GRID1: variants seen among roughly 807,000 people sequenced by gnomAD.
The protein encoded by GRID1 is glutamate ionotropic receptor delta type subunit 1, also known as glutamate receptor ionotropic, delta-1.
GRID1 carries 28 observed loss-of-function variants against 98.0 expected under a neutral mutation model. That is an observed-to-expected ratio of 0.29 (90% CI 0.21 to 0.39). The LOEUF (loss-of-function observed/expected upper bound fraction) is 0.39. GRID1 is among the 10% of genes least tolerant of loss of function. The probability of loss-of-function intolerance (pLI) is 1.00; values close to 1 mark genes in which losing one functional copy is unlikely to be tolerated. For missense variants in GRID1, 1,111 were observed against 1,340.5 expected, an observed-to-expected ratio of 0.83 and a Z score of 2.67; for synonymous variants, 553 against 538.5, an observed-to-expected ratio of 1.03 and a Z score of -0.37.
In GRID1 at chr10:85,724,463, A is replaced by G; in HGVS notation, c.1747T>C (p.Leu583=). 6.2e-7 allele frequency: 1 copy of G among 1,614,158 alleles called. No individual in the cohort carries two copies. The highest frequency in any genetic ancestry group is 8.5e-7 in the Non-Finnish European group (1 of 1,180,008). ...IPVVGVLIFV[L]NRIQAVRAQS... ...GCCCTCACAGCCTGTATCCTGTTCA[A>G]CACAAATATCAGCACACCAACCACA... Residue 583 remains leucine, a synonymous_variant, in exon 11 of 16, where the codon TTG becomes CTG. Coordinates refer to ENST00000327946, the MANE Select transcript of GRID1 (RefSeq NM_017551.3).
At chr10:86,006,334 G>A (rs892881153) in intron 4 of GRID1, among the ~76,000 whole-genome samples, 1 of 152,150 alleles carries the variant, frequency 6.6e-6, no homozygotes, top group Non-Finnish European at 1.5e-5. Context: ...GAACTTAAAT[G>A]ACAGGGCTGG....
At chr10:86,104,833 C>G (rs954360007) in intron 4 of GRID1, among the ~76,000 whole-genome samples, 1 of 152,200 alleles carries the variant, frequency 6.6e-6, no homozygotes, top group Non-Finnish European at 1.5e-5. Context: ...AGACAGTGCA[C>G]TGGACCTTCA....
At chr10:86,124,297 G>C (rs1375126004) in intron 4 of GRID1, among the ~76,000 whole-genome samples, 2 of 151,972 alleles carry the variant, frequency 1.3e-5, no homozygotes, top group African/African-American at 2.4e-5. Flanking sequence ...TTTGATCTTG[G>C]ACACCTCCCC....
chr10:85,980,663 T>C (rs1287458513), intron 4 of GRID1, among the ~76,000 whole-genome samples: 1 of 152,046 alleles, frequency 6.6e-6, no homozygotes, highest in African/African-American at 2.4e-5. Context: ...GAAGGGTTGG[T>C]AAGAGAGTAA....
intron 2 of GRID1, among the ~76,000 whole-genome samples, chr10:86,276,606 G>A (rs1179709637): frequency 9.9e-5 from 15 of 151,562 alleles, no homozygotes; most frequent in African/African-American, 1.5e-4. Context: ...GGGTTCAAGC[G>A]ATTCTCATGC....
At chr10:85,980,123 C>T (rs1172561026) in intron 4 of GRID1, among the ~76,000 whole-genome samples, 7 of 152,224 alleles carry the variant, frequency 4.6e-5, no homozygotes, top group Non-Finnish European at 8.8e-5. Flanking sequence ...TTCCTCCTTC[C>T]CCACCTGGGA....
chr10:86,105,059 A>C (rs1844360918), intron 4 of GRID1, among the ~76,000 whole-genome samples: 1 of 152,046 alleles, frequency 6.6e-6, no homozygotes, highest in Non-Finnish European at 1.5e-5. Flanking sequence ...AATTACACAC[A>C]AGTTTGGGAT....
At chr10:85,810,674 G>A (rs1174694419) in intron 8 of GRID1, among the ~76,000 whole-genome samples, 1 of 152,120 alleles carries the variant, frequency 6.6e-6, no homozygotes, top group East Asian at 1.9e-4. Context: ...CGGCCGACAT[G>A]CCCCTAAGCT....
intron 4 of GRID1, among the ~76,000 whole-genome samples, chr10:86,100,075 G>T (rs1311094011): frequency 6.6e-6 from 1 of 152,126 alleles, no homozygotes; most frequent in African/African-American, 2.4e-5. Flanking sequence ...TGAGCTTCAG[G>T]GCAAAGAGAC....
At position 85,724,634 on chromosome 10, in the gene GRID1, T is replaced by A. The variant is rs530775784; in HGVS notation, c.1576A>T (p.Arg526Trp). 1.2e-4 allele frequency: 200 copies of A among 1,612,554 alleles called. No homozygotes were observed. The highest frequency in any genetic ancestry group is 1.6e-4 in the Non-Finnish European group (187 of 1,179,450). The change falls in exon 11 of 16, where the codon AGG (arginine) becomes TGG (tryptophan). Residue 526 changes from arginine to tryptophan, a missense_variant. Physicochemically the swap from Arg to Trp is moderately radical, Grantham distance 101 (BLOSUM62 -3). Transcript: ENST00000327946. ...AISAITITPE[R>W]ESVVDFSKRY... ...TTGCTGAAGTCCACAACGCTCTCCC[T>A]CTCTGGGGTGATGGTGATGGCAGAG...
intron 4 of GRID1, among the ~76,000 whole-genome samples, chr10:86,030,199 A>T (rs974348141): frequency 1.2e-4 from 18 of 152,228 alleles, no homozygotes; most frequent in Admixed American, 7.9e-4. Flanking sequence ...AAGGAAAGAG[A>T]TTTTATATAA....
chr10:85,963,240 T>C (rs1368871352), intron 4 of GRID1, among the ~76,000 whole-genome samples: 2 of 152,172 alleles, frequency 1.3e-5, no homozygotes. Context: ...CTTTCTTTCA[T>C]ATGAAATTGG....
chr10:86,223,454 C>T (rs1034865868), intron 2 of GRID1, among the ~76,000 whole-genome samples: 1 of 152,254 alleles, frequency 6.6e-6, no homozygotes, highest in Admixed American at 6.5e-5. Flanking sequence ...CCCACAGGCA[C>T]ATGGCCCCCA....
chr10:85,913,015 G>A (rs917950231), intron 5 of GRID1, among the ~76,000 whole-genome samples: 5 of 152,156 alleles, frequency 3.3e-5, no homozygotes, highest in African/African-American at 1.2e-4. Flanking sequence ...GAGTATAGCT[G>A]GATCCTAAGG....
chr10:86,266,797 C>T (rs149148373), intron 2 of GRID1, among the ~76,000 whole-genome samples: 2 of 152,358 alleles, frequency 1.3e-5, no homozygotes, highest in East Asian at 3.9e-4. Flanking sequence ...CAGCATGGAG[C>T]TTAAGTCCCC....
intron 2 of GRID1, among the ~76,000 whole-genome samples, chr10:86,328,503 T>C (rs988960561): frequency 5.9e-5 from 9 of 152,256 alleles, no homozygotes; most frequent in Non-Finnish European, 1.0e-4. Context: ...AGCGGTGCTC[T>C]GCATGGCTGG....
At chr10:86,042,844 C>T (rs192137489) in intron 4 of GRID1, among the ~76,000 whole-genome samples, 14 of 152,266 alleles carry the variant, frequency 9.2e-5, no homozygotes, top group Non-Finnish European at 1.6e-4. Flanking sequence ...CTCGTGCTTT[C>T]GGAGGCTGGG....
intron 2 of GRID1, among the ~76,000 whole-genome samples, chr10:86,221,556 A>G (rs2132029618): frequency 6.6e-6 from 1 of 152,238 alleles, no homozygotes; most frequent in Middle Eastern, 3.4e-3. Context: ...ACAGTCATGT[A>G]GCCTGGGGTG....
chr10:86,039,353 G>C (rs986473705), intron 4 of GRID1, among the ~76,000 whole-genome samples: 1 of 152,178 alleles, frequency 6.6e-6, no homozygotes, highest in Non-Finnish European at 1.5e-5. Context: ...ACCTGGAACA[G>C]CTCCTCTTCA....
Sources: allele counts gnomAD v4.1 joint callset (sites outside exome capture counted in the v4.1 genomes callset), GRCh38; gene constraint gnomAD v4.1.1; transcripts MANE v1.5; gene names NCBI Gene and HGNC (gene_info 2026-07-23, HGNC 2026-07-21).